SLC9A9: variants seen among roughly 807,000 people sequenced by gnomAD.
The protein encoded by SLC9A9 is sodium/hydrogen exchanger 9.
Under a neutral mutation model 77.8 loss-of-function variants are expected in SLC9A9, and 62 were observed. The observed-to-expected ratio is 0.80, with a 90% CI of 0.65 to 0.98. SLC9A9 has a LOEUF of 0.98. Ranked by LOEUF, SLC9A9 falls within the 50% of genes least tolerant of loss-of-function variation. SLC9A9 has a pLI of 0.00. For synonymous variants in SLC9A9, 320 were observed against 283.5 expected (o/e 1.13, Z -1.29); for missense variants, 775 against 774.9 (o/e 1.00, Z 0.00).
In SLC9A9 at chr3:143,311,399, C is replaced by T. The variant is rs569122314; in HGVS notation, c.1605-42419G>A. Among the ~76,000 whole-genome samples, 9 of 152,296 alleles carry T rather than the reference C, an allele frequency of 5.9e-5. No homozygotes were observed. In the East Asian group the frequency reaches 1.7e-3, roughly 29 times the overall value. Reference sequence around the variant, plus strand: ...GACTTAAGGGCATACAATTAAGTGGCAGATGTGGGGCCTGAACCCAGCATT... The same window carrying T: ...GACTTAAGGGCATACAATTAAGTGGTAGATGTGGGGCCTGAACCCAGCATT... On this transcript the variant is annotated intron_variant, in intron 14 of 15. Transcript: ENST00000316549.
chr3:143,323,868 G>T (rs1164936946), intron 14 of SLC9A9, among the ~76,000 whole-genome samples: 1 of 152,144 alleles, frequency 6.6e-6, no homozygotes, highest in African/African-American at 2.4e-5. Flanking sequence ...TATGCACCCT[G>T]AGGATACTGA....
At chr3:143,705,041 A>ATCTATCTATCTATATATC (rs765935008) in intron 4 of SLC9A9, among the ~76,000 whole-genome samples, 2 of 60,214 alleles carry the variant, frequency 3.3e-5, no homozygotes, top group African/African-American at 1.4e-4. Flanking sequence ...CTATCTATCT[A>ATCTATCTATCTATATATC]TATAGATATA....
chr3:143,773,791 T>G (rs972696472), intron 4 of SLC9A9, among the ~76,000 whole-genome samples: 14 of 152,202 alleles, frequency 9.2e-5, no homozygotes, highest in African/African-American at 3.4e-4. Flanking sequence ...GCCCTAATTT[T>G]TAACAATGGT....
chr3:143,569,814 CTTTTTTT>C (rs530202918), intron 8 of SLC9A9, among the ~76,000 whole-genome samples: 6 of 133,392 alleles, frequency 4.5e-5, no homozygotes, highest in African/African-American at 1.4e-4. Context: ...TTGTTTTTTT[CTTTTTTT>C]TTTTTTTTTG....
At chr3:143,431,459 C>A (rs748145025) in intron 12 of SLC9A9, among the ~76,000 whole-genome samples, 3 of 149,848 alleles carry the variant, frequency 2.0e-5, no homozygotes, top group African/African-American at 4.9e-5. Flanking sequence ...TCCCTTGTTG[C>A]GAAATCCTCC....
At chr3:143,628,983 A>T (rs910753758) in intron 6 of SLC9A9, among the ~76,000 whole-genome samples, 4 of 152,332 alleles carry the variant, frequency 2.6e-5, no homozygotes, top group East Asian at 1.9e-4. Flanking sequence ...AATCATCAGC[A>T]AAGGAGCTAC....
intron 6 of SLC9A9, among the ~76,000 whole-genome samples, chr3:143,638,447 T>A (rs2038562079): frequency 1.3e-5 from 2 of 152,238 alleles, no homozygotes; most frequent in Non-Finnish European, 2.9e-5. Context: ...TCTAATAATT[T>A]AGTGGGCATT....
intron 14 of SLC9A9, chr3:143,342,192 AT>A (rs1166071967): frequency 3.3e-5 from 5 of 151,162 alleles, no homozygotes; most frequent in Non-Finnish European, 7.4e-5. Flanking sequence ...AGAGCTTCTT[AT>A]TTTTTTTTGA....
At position 143,448,886 on chromosome 3, in the gene SLC9A9, TATATATTATAA is replaced by T. The variant is rs2034897303; in HGVS notation, c.1469+18140_1469+18150del. Among the ~76,000 whole-genome samples, 8 of 34,222 alleles carry T rather than the reference TATATATTATAA, an allele frequency of 2.3e-4. 4 individuals carry two copies. Among genetic ancestry groups the T allele is most frequent in the African/African-American group, 1.3e-3 (6 of 4,738 alleles). 22.5% of individuals were successfully genotyped at this position (34,222 alleles called of 152,430 possible). A position where few individuals can be genotyped will look rare whatever the true frequency, so the allele number is the denominator to read the frequency against. ...ATATATTATATAATATGATATATAT[TATATATTATAA>T]TATATAATATGATATATATTATATA... is the stretch of plus-strand genomic sequence containing the variant. On this transcript the variant is annotated intron_variant, in intron 12 of 15. Coordinates refer to ENST00000316549, the MANE Select transcript of SLC9A9 (RefSeq NM_173653.4).
intron 4 of SLC9A9, among the ~76,000 whole-genome samples, chr3:143,721,117 C>T (rs1293516471): frequency 6.6e-6 from 1 of 152,098 alleles, no homozygotes; most frequent in African/African-American, 2.4e-5. Context: ...GCTTGGGAGG[C>T]AGAAGTGGGA....
intron 12 of SLC9A9, among the ~76,000 whole-genome samples, chr3:143,456,041 A>C (rs954837379): frequency 2.6e-5 from 4 of 152,130 alleles, no homozygotes; most frequent in Admixed American, 2.6e-4. Context: ...TGTTAGGTAT[A>C]AGTTTTTTTA....
intron 6 of SLC9A9, among the ~76,000 whole-genome samples, chr3:143,611,394 C>G (rs1559992711): frequency 6.6e-6 from 1 of 151,954 alleles, no homozygotes; most frequent in Non-Finnish European, 1.5e-5. Flanking sequence ...TTCCACATTA[C>G]AAGATATGAA....
At chr3:143,350,257 T>C (rs1663542308) in intron 14 of SLC9A9, among the ~76,000 whole-genome samples, 1 of 152,140 alleles carries the variant, frequency 6.6e-6, no homozygotes, top group Admixed American at 6.5e-5. Context: ...AGGCCAGAGT[T>C]TTCTGGCATC....
At position 143,764,941 on chromosome 3, in the gene SLC9A9, T is replaced by TTA. The variant is rs564017315; in HGVS notation, c.533+30059_533+30060insTA. On this transcript the variant is annotated intron_variant, in intron 4 of 15. Transcript: ENST00000316549. ...AATTAAACCAGGAAACATTTTTCTT[T>TTA]CTTCCTTCCTTCCTTTTTGTTTCTC... 7.7e-3 allele frequency among the ~76,000 whole-genome samples: 1,171 copies of TTA among 151,902 alleles called. 10 individuals carry two copies. Among genetic ancestry groups the TTA allele is most frequent in the African/African-American group, 0.026 (1,095 of 41,404 alleles).
chr3:143,286,355 CA>C (rs1938382201), intron 14 of SLC9A9, among the ~76,000 whole-genome samples: 2 of 152,168 alleles, frequency 1.3e-5, no homozygotes, highest in Admixed American at 1.3e-4. Context: ...ACCTGATGGA[CA>C]TACAGGCTGT....
chr3:143,404,219 G>C (rs1338131743), intron 12 of SLC9A9, among the ~76,000 whole-genome samples: 3 of 150,490 alleles, frequency 2.0e-5, no homozygotes, highest in African/African-American at 7.3e-5. Context: ...TGTCACCCAG[G>C]CTAGAGCGCA....
chr3:143,612,160 G>A (rs571028635), intron 6 of SLC9A9, among the ~76,000 whole-genome samples: 6 of 152,208 alleles, frequency 3.9e-5, no homozygotes, highest in Non-Finnish European at 8.8e-5. Flanking sequence ...ACAGAGAGGC[G>A]TTGACCCTAT....
At chr3:143,300,359 T>C (rs561749799) in intron 14 of SLC9A9, among the ~76,000 whole-genome samples, 25 of 152,364 alleles carry the variant, frequency 1.6e-4, no homozygotes, top group Non-Finnish European at 1.5e-4. Flanking sequence ...CTTCTAAAAT[T>C]CTGTGATTTG....
rs893198739 is a variant in SLC9A9, at chr3:143,440,434, T to C, written c.1469+26603A>G. On this transcript the variant is annotated intron_variant, in intron 12 of 15. Transcript: ENST00000316549. The stretch of plus-strand genomic sequence containing the variant: ...GGGGTTACGGGGAAGACTAACGTGG[T>C]TCAAGGAGTTTGGCCCCTAACTAGG... Among the ~76,000 whole-genome samples, 10 of 152,244 alleles carry C rather than the reference T, an allele frequency of 6.6e-5. No homozygotes were observed. In the East Asian group the frequency reaches 1.2e-3, roughly 18 times the overall value.
Sources: allele counts gnomAD v4.1 joint callset (sites outside exome capture counted in the v4.1 genomes callset), GRCh38; gene constraint gnomAD v4.1.1; transcripts MANE v1.5; gene names NCBI Gene and HGNC (gene_info 2026-07-23, HGNC 2026-07-21).